N4BP2: variants seen among roughly 807,000 people sequenced by gnomAD.
N4BP2 encodes the protein NEDD4-binding protein 2.
In N4BP2, 91 loss-of-function variants were observed where a neutral mutation model predicts 152.8. That is an observed-to-expected ratio of 0.60 (90% CI 0.50 to 0.71). N4BP2 has a LOEUF of 0.71. Among genes scored for constraint, N4BP2 ranks in the 30% least tolerant of loss-of-function variants. N4BP2 has a pLI of 0.00. For missense variants in N4BP2, 1,923 were observed against 2,059.1 expected (o/e 0.93, Z 1.28); for synonymous variants, 646 against 705.3 (o/e 0.92, Z 1.33).
intron 2 of N4BP2, among the ~76,000 whole-genome samples, chr4:40,078,822 C>T (rs1713054051): frequency 6.6e-6 from 1 of 152,066 alleles, no homozygotes; most frequent in African/African-American, 2.4e-5. Flanking sequence ...GCCACCTACA[C>T]TTGGCCTCAG....
At chr4:40,111,670 C>T (rs913504106) in intron 5 of N4BP2, among the ~76,000 whole-genome samples, 8 of 151,954 alleles carry the variant, frequency 5.3e-5, no homozygotes, top group African/African-American at 1.9e-4. Context: ...GGCTGGAGTG[C>T]AGTGGCCTGA....
chr4:40,064,741 AG>A (rs1375439011), intron 1 of N4BP2, among the ~76,000 whole-genome samples: 1 of 152,072 alleles, frequency 6.6e-6, no homozygotes, highest in Non-Finnish European at 1.5e-5. Context: ...ACTTTCCTAA[AG>A]AAAAGTAAAT....
In N4BP2 at chr4:40,131,805, G is replaced by C; in HGVS notation, c.4532G>C (p.Arg1511Thr). ...ATTTTTATGTTTTTGTTTTAGAAAA[G>C]GGAGACCCTTATGTTTGAAAAAGAT... ...IALQEKHNLK[R>T]ETLMFEKDCA... Residue 1511 changes from arginine to threonine, a missense_variant, in exon 13 of 18, where the codon AGG becomes ACG. By Grantham distance (71) the Arg-to-Thr change is moderately conservative (BLOSUM62 -1). Coordinates refer to ENST00000261435, the MANE Select transcript of N4BP2 (RefSeq NM_018177.6). 1 of 1,608,538 alleles carries C rather than the reference G, an allele frequency of 6.2e-7. No individual in the cohort carries two copies. The highest frequency in any genetic ancestry group is 8.5e-7 in the Non-Finnish European group (1 of 1,175,758).
At chr4:40,135,478 T>A (rs1719301113) in intron 13 of N4BP2, among the ~76,000 whole-genome samples, 1 of 152,158 alleles carries the variant, frequency 6.6e-6, no homozygotes, top group African/African-American at 2.4e-5. Context: ...ATGGGATGGC[T>A]GGGTCAAATG....
At chr4:40,086,953 T>C (rs1001187395) in intron 2 of N4BP2, among the ~76,000 whole-genome samples, 24 of 151,934 alleles carry the variant, frequency 1.6e-4, no homozygotes, top group Non-Finnish European at 3.1e-4. Context: ...CTCACTATGG[T>C]GCCCAGGCTG....
At chr4:40,166,162 C>T in the N4BP2 span, among the ~76,000 whole-genome samples, 1 of 152,128 alleles carries the variant, frequency 6.6e-6, no homozygotes, top group Admixed American at 6.6e-5. Context: ...ATATTGGAAT[C>T]TTTTTCTTTG....
chr4:40,121,920 T>C lies in N4BP2; in HGVS notation c.3809T>C (p.Val1270Ala), dbSNP rs570556083. The change falls in exon 9 of 18, where the codon GTA (valine) becomes GCA (alanine). Residue 1270 changes from valine (V) to alanine (A), a missense_variant. By Grantham distance (64) the Val-to-Ala change is moderately conservative. Transcript: ENST00000261435. ...KDMSETEKNL[V>A]VTETGDNIHS... Reference sequence around the variant, plus strand: ...ATGAGTGAAACAGAAAAAAACCTAGTAGTCACAGAGACTGGAGACAACATA... The same window carrying C: ...ATGAGTGAAACAGAAAAAAACCTAGCAGTCACAGAGACTGGAGACAACATA... 61 of 1,593,002 alleles carry C rather than the reference T, an allele frequency of 3.8e-5. No individual in the cohort carries two copies. The highest frequency in any genetic ancestry group is 3.0e-4 in the Admixed American group (16 of 52,950).
intron 1 of N4BP2, among the ~76,000 whole-genome samples, chr4:40,070,642 G>T (rs1712062778): frequency 6.6e-6 from 1 of 151,812 alleles, no homozygotes; most frequent in African/African-American, 2.4e-5. Flanking sequence ...GTAGAGATGT[G>T]GTCTTGCCAT....
At chr4:40,086,873 G>T (rs1560581255) in intron 2 of N4BP2, among the ~76,000 whole-genome samples, 1 of 151,898 alleles carries the variant, frequency 6.6e-6, no homozygotes, top group African/African-American at 2.4e-5. Context: ...TCAGCCTCCT[G>T]AGTAGCTGGG....
intron 16 of N4BP2, among the ~76,000 whole-genome samples, chr4:40,149,075 T>C (rs2110046956): frequency 6.6e-6 from 1 of 152,366 alleles, no homozygotes; most frequent in African/African-American, 2.4e-5. Context: ...GTTAAACATA[T>C]AATTAACCGT....
In N4BP2 at chr4:40,102,443, G is replaced by A. The variant is rs765892275; in HGVS notation, c.598G>A (p.Gly200Ser). The A allele has an allele frequency of 6.2e-6, 10 of 1,612,594 alleles. No homozygotes were observed. Among genetic ancestry groups the A allele is most frequent in the East Asian group, 2.2e-5 (1 of 44,888 alleles). The part of the protein sequence containing the change: ...IFSTQNMNLN[G>S]ENLENSGSTL... ...TTCTACACAAAATATGAATTTGAACGGTGAAAATTTAGAGAATTCTGGTTC... is the reference window on the plus strand; with the variant it reads ...TTCTACACAAAATATGAATTTGAACAGTGAAAATTTAGAGAATTCTGGTTC... Residue 200 changes from glycine (G) to serine (S), a missense_variant, in exon 4 of 18, where the codon GGT becomes AGT. Coordinates refer to ENST00000261435, the MANE Select transcript of N4BP2 (RefSeq NM_018177.6).
chr4:40,087,373 G>GT (rs966785275), intron 2 of N4BP2, among the ~76,000 whole-genome samples: 4 of 151,738 alleles, frequency 2.6e-5, no homozygotes, highest in Non-Finnish European at 2.9e-5. Flanking sequence ...AAAAAATTAG[G>GT]TTTTTTTTGA....
At chr4:40,108,538 A>G (rs932903004) in intron 5 of N4BP2, among the ~76,000 whole-genome samples, 2 of 151,124 alleles carry the variant, frequency 1.3e-5, no homozygotes, top group Non-Finnish European at 3.0e-5. Flanking sequence ...CTGGTCTTGA[A>G]CACCTGACCT....
chr4:40,121,854 A>C lies in N4BP2; in HGVS notation c.3743A>C (p.Gln1248Pro). The change falls in exon 9 of 18, where the codon CAG (glutamine) becomes CCG (proline). Residue 1248 changes from glutamine (Q) to proline (P), a missense_variant. Physicochemically the swap from Gln to Pro is moderately conservative, Grantham distance 76 (BLOSUM62 -1). Coordinates refer to ENST00000261435, the MANE Select transcript of N4BP2 (RefSeq NM_018177.6). ...GAAGAACTTTTATATAGCAGTAAGC[A>C]GTCCTTTCCAGGTATTCTAAAAGCT... ...SQEELLYSSK[Q>P]SFPGILKATT... The C allele has an allele frequency of 6.2e-7, 1 of 1,613,770 alleles. No individual in the cohort carries two copies. Among genetic ancestry groups the C allele is most frequent in the Non-Finnish European group, 8.5e-7 (1 of 1,179,900 alleles).
At chr4:40,076,557 C>G (rs184443620) in intron 2 of N4BP2, among the ~76,000 whole-genome samples, 1 of 152,064 alleles carries the variant, frequency 6.6e-6, no homozygotes, top group Non-Finnish European at 1.5e-5. Context: ...GGCGCCATCT[C>G]GGCTCACTGC....
Position 40,119,973 on chromosome 4 carries a change from ATATTT to A in N4BP2, c.1866_1870del (p.Leu623PhefsTer10). The A allele has an allele frequency of 6.6e-7, 1 of 1,514,192 alleles. No homozygotes were observed. Among genetic ancestry groups the A allele is most frequent in the Non-Finnish European group, 9.0e-7 (1 of 1,114,576 alleles). The allele number at this position is 1,514,192 out of a possible 1,614,324, so 93.8% of individuals were successfully genotyped here. A position where few individuals can be genotyped will look rare whatever the true frequency, so the allele number is the denominator to read the frequency against. On this transcript the variant is annotated frameshift_variant, in exon 9 of 18. Coordinates refer to ENST00000261435, the MANE Select transcript of N4BP2 (RefSeq NM_018177.6). LOFTEE classifies it high-confidence loss of function. ...GATATTATCTCTGAAAAAGAAGAAA[ATATTT>A]TATCTTTATCTTTGAAGCATCTAGA... is the stretch of plus-strand genomic sequence containing the variant.
At chr4:40,068,594 T>A (rs1711797547) in intron 1 of N4BP2, among the ~76,000 whole-genome samples, 1 of 152,196 alleles carries the variant, frequency 6.6e-6, no homozygotes, top group Non-Finnish European at 1.5e-5. Flanking sequence ...TGTGTGGCCT[T>A]GGTACCCTTG....
At chr4:40,116,471 T>G (rs1717346212) in intron 7 of N4BP2, among the ~76,000 whole-genome samples, 1 of 152,156 alleles carries the variant, frequency 6.6e-6, no homozygotes, top group Admixed American at 6.5e-5. Flanking sequence ...TATTAAATTT[T>G]TTTCTTCTCT....
At chr4:40,114,253 T>C (rs1717158068) in intron 7 of N4BP2, among the ~76,000 whole-genome samples, 1 of 152,148 alleles carries the variant, frequency 6.6e-6, no homozygotes, top group African/African-American at 2.4e-5. Flanking sequence ...TTCTTGGCAA[T>C]TTCAACTAAC....
Sources: allele counts gnomAD v4.1 joint callset (sites outside exome capture counted in the v4.1 genomes callset), GRCh38; gene constraint gnomAD v4.1.1; transcripts MANE v1.5; gene names NCBI Gene and HGNC (gene_info 2026-07-23, HGNC 2026-07-21).